Variants in CDA observed in about 807,000 individuals in gnomAD.
CDA encodes the protein cytidine aminohydrolase.
A neutral mutation model predicts 15.0 loss-of-function variants in CDA; 7 were observed. The ratio of observed to expected loss-of-function variants is 0.47; its 90% confidence interval spans 0.26 to 0.87. The LOEUF is 0.87. CDA is among the 40% of genes least tolerant of loss of function. The pLI, the probability that CDA is intolerant of heterozygous loss-of-function variation, is 0.15. For synonymous variants in CDA, 58 were observed against 73.0 expected, an observed-to-expected ratio of 0.79 and a Z score of 1.05; for missense variants, 159 against 182.7, an observed-to-expected ratio of 0.87 and a Z score of 0.75.
At chr1:20,609,479 C>G (rs146453734) in intron 2 of CDA, among the ~76,000 whole-genome samples, 3,769 of 152,066 alleles carry the variant, frequency 0.025, 157 homozygotes, top group African/African-American at 0.085. Flanking sequence ...GAGCGAGACT[C>G]CGTCTCAAAA....
At chr1:20,594,054 A>C (rs2052571082) in intron 1 of CDA, among the ~76,000 whole-genome samples, 1 of 152,206 alleles carries the variant, frequency 6.6e-6, no homozygotes, top group Non-Finnish European at 1.5e-5. Context: ...GAGTTTAGAC[A>C]CTGTGAGTTT....
chr1:20,613,737 G>T, intron 2 of CDA, 105 bp from the exon 3 acceptor site: 1 of 1,064,022 alleles, frequency 9.4e-7, no homozygotes, highest in Admixed American at 1.8e-5. Flanking sequence ...GCCTGATGGG[G>T]TATGACCCAA....
intron 1 of CDA, among the ~76,000 whole-genome samples, chr1:20,591,709 T>TA (rs548479994): frequency 2.6e-3 from 390 of 152,288 alleles, no homozygotes; most frequent in African/African-American, 8.1e-3. Flanking sequence ...GATGGGGATT[T>TA]AGAGAGTGAA....
chr1:20,611,463 C>T lies in CDA; in HGVS notation c.267-2379C>T, dbSNP rs751463758. 6.0e-4 allele frequency among the ~76,000 whole-genome samples: 91 copies of T among 152,290 alleles called. 1 individual carries two copies. Among genetic ancestry groups the T allele is most frequent in the Middle Eastern group, 3.4e-3 (1 of 294 alleles). The stretch of plus-strand genomic sequence containing the variant: ...TGGCACCATCTCGGCTTACTGCAAC[C>T]CCCGCCTCCCGGGTTCAAGTGATTC... On this transcript the variant is annotated intron_variant, in intron 2 of 3. Coordinates refer to ENST00000375071, the MANE Select transcript of CDA (RefSeq NM_001785.3).
At chr1:20,595,983 T>C (rs544259525) in intron 1 of CDA, among the ~76,000 whole-genome samples, 1 of 151,810 alleles carries the variant, frequency 6.6e-6, no homozygotes, top group African/African-American at 2.4e-5. Context: ...ACCTCGTCTC[T>C]ATTAAAAATA....
intron 2 of CDA, among the ~76,000 whole-genome samples, chr1:20,607,669 C>A (rs773701238): frequency 6.6e-6 from 1 of 152,154 alleles, no homozygotes; most frequent in Non-Finnish European, 1.5e-5. Flanking sequence ...TAGCAAATGT[C>A]CTTATTTACA....
At chr1:20,612,498 G>A (rs986099825) in intron 2 of CDA, among the ~76,000 whole-genome samples, 24 of 141,834 alleles carry the variant, frequency 1.7e-4, no homozygotes, top group Non-Finnish European at 2.9e-4. Flanking sequence ...ACCCTGCACC[G>A]TGTGACCCCC....
chr1:20,589,155 C>A lies in CDA; in HGVS notation c.26C>A (p.Thr9Asn), dbSNP rs140821931. 1.2e-6 allele frequency: 2 copies of A among 1,614,200 alleles called. No individual in the cohort carries two copies. The highest frequency in any genetic ancestry group is 2.2e-5 in the East Asian group (1 of 44,878). MAQKRPAC[T>N]LKPECVQQLL... ...ATGGCCCAGAAGCGTCCTGCCTGCA[C>A]CCTGAAGCCTGAGTGTGTCCAGCAG... The change falls in exon 1 of 4, where the codon ACC (threonine) becomes AAC (asparagine). Residue 9 changes from threonine to asparagine, a missense_variant. Transcript: ENST00000375071.
chr1:20,604,870 C>A, intron 1 of CDA, 58 bp from the exon 2 acceptor site: 2 of 1,151,346 alleles, frequency 1.7e-6, no homozygotes, highest in Admixed American at 1.9e-5. Context: ...TCTTACTCAA[C>A]ACACGCAACA....
chr1:20,598,815 A>G (rs970791568), intron 1 of CDA, among the ~76,000 whole-genome samples: 2 of 152,224 alleles, frequency 1.3e-5, no homozygotes, highest in African/African-American at 4.8e-5. Context: ...GAAGAATTTT[A>G]GGGAGACACA....
intron 1 of CDA, among the ~76,000 whole-genome samples, chr1:20,593,625 A>G (rs1055199499): frequency 1.3e-4 from 20 of 152,164 alleles, no homozygotes; most frequent in African/African-American, 4.8e-4. Flanking sequence ...CCATGCTGGA[A>G]GTACAGTGGC....
intron 1 of CDA, among the ~76,000 whole-genome samples, chr1:20,595,572 G>A (rs1398631483): frequency 6.6e-6 from 1 of 151,982 alleles, no homozygotes; most frequent in Non-Finnish European, 1.5e-5. Context: ...CCCGTTTCCC[G>A]CTGTTTCCCC....
In CDA at chr1:20,589,099, CG is replaced by C. The variant is rs753450408; in HGVS notation, c.-30del. On this transcript the variant is annotated 5_prime_UTR_variant, in exon 1 of 4. Transcript: ENST00000375071. ...CAGGCTGGCCGGAGCTCCTGTTTCC[CG>C]CTGCTCTGCTGCCTGCCCGGGGTAC... 1 of 1,609,394 alleles carries C rather than the reference CG, an allele frequency of 6.2e-7. No homozygotes were observed. Among genetic ancestry groups the C allele is most frequent in the African/African-American group, 1.3e-5 (1 of 74,250 alleles).
rs552091630 is a variant in CDA at position 20,591,136 on chromosome 1, G to A, written c.154+1853G>A. 7.9e-5 allele frequency among the ~76,000 whole-genome samples: 12 copies of A among 152,216 alleles called. 1 individual carries two copies. In the East Asian group the frequency reaches 1.2e-3, roughly 15 times the overall value. ...AGGCGGATCACGATGTCAGGAGATC[G>A]AGACCATCCTGGCTAACACGGTGAA... On this transcript the variant is annotated intron_variant, in intron 1 of 3. Transcript: ENST00000375071.
At chr1:20,611,363 A>G (rs1171864639) in intron 2 of CDA, among the ~76,000 whole-genome samples, 1 of 152,186 alleles carries the variant, frequency 6.6e-6, no homozygotes, top group African/African-American at 2.4e-5. Flanking sequence ...ATTTTCCATC[A>G]TCAAAGGCAC....
chr1:20,602,630 C>T (rs965095700), intron 1 of CDA, among the ~76,000 whole-genome samples: 21 of 152,094 alleles, frequency 1.4e-4, no homozygotes, highest in African/African-American at 4.8e-4. Context: ...CCATATTGGC[C>T]AGGCTGATCT....
chr1:20,597,057 C>G (rs2052597350), intron 1 of CDA, among the ~76,000 whole-genome samples: 1 of 152,130 alleles, frequency 6.6e-6, no homozygotes, highest in South Asian at 2.1e-4. Context: ...CCACCACACT[C>G]AGTCTTGCTG....
chr1:20,593,392 A>C (rs2052565808), intron 1 of CDA, among the ~76,000 whole-genome samples: 1 of 152,202 alleles, frequency 6.6e-6, no homozygotes, highest in Non-Finnish European at 1.5e-5. Context: ...AACGTCAGAA[A>C]GCAACCAGAA....
rs970346619 is a variant in CDA at position 20,610,037 on chromosome 1, G to C, written c.267-3805G>C. ...CATAATATCATCCCTATCTCCACTTGACGCATGGTTGGTTGGTTGGTTGGG... is the reference window on the plus strand; with the variant it reads ...CATAATATCATCCCTATCTCCACTTCACGCATGGTTGGTTGGTTGGTTGGG... On this transcript the variant is annotated intron_variant, in intron 2 of 3. Transcript: ENST00000375071. 5.0e-4 allele frequency among the ~76,000 whole-genome samples: 21 copies of C among 41,616 alleles called. No individual in the cohort carries two copies. The Admixed American group carries it at 5.9e-3, about 12-fold the overall frequency. 27.3% of individuals were successfully genotyped at this position (41,616 alleles called of 152,430 possible).
Sources: allele counts gnomAD v4.1 joint callset (sites outside exome capture counted in the v4.1 genomes callset), GRCh38; gene constraint gnomAD v4.1.1; transcripts MANE v1.5; gene names NCBI Gene and HGNC (gene_info 2026-07-23, HGNC 2026-07-21).